Variants in MAP3K7 observed in about 807,000 individuals in gnomAD.
The protein encoded by MAP3K7 is TGF-beta activated kinase 1.
A neutral mutation model predicts 84.8 loss-of-function variants in MAP3K7; 21 were observed. The ratio of observed to expected loss-of-function variants is 0.25; its 90% CI spans 0.18 to 0.36. The LOEUF (loss-of-function observed/expected upper bound fraction) is 0.36. Among genes scored for constraint, MAP3K7 ranks in the 10% least tolerant of loss-of-function variants. The pLI is 1.00. For missense variants in MAP3K7, 503 were observed against 747.7 expected (o/e 0.67, Z 3.82); for synonymous variants, 241 against 247.7 (o/e 0.97, Z 0.25).
Position 90,577,326 on chromosome 6 carries a change from A to C in MAP3K7, c.121-5519T>G, listed in dbSNP as rs79487326. 2.2e-3 allele frequency among the ~76,000 whole-genome samples: 336 copies of C among 152,348 alleles called. 2 individuals carry two copies. Among genetic ancestry groups the C allele is most frequent in the Non-Finnish European group, 4.0e-3 (275 of 68,034 alleles). ...TAACTCAGAGTTTGGTTTTAGTCAT[A>C]TGAAGTTTAAGATGCCTACTGGATA... On this transcript the variant is annotated intron_variant, in intron 1 of 16. Transcript: ENST00000369329.
intron 5 of MAP3K7, among the ~76,000 whole-genome samples, chr6:90,556,931 G>A (rs1325484780): frequency 6.6e-6 from 1 of 151,878 alleles, no homozygotes; most frequent in Non-Finnish European, 1.5e-5. Flanking sequence ...TAAAACGTGG[G>A]GTTTAAAAAA....
rs370852052 is a variant in MAP3K7, at chr6:90,516,463, T to C, written c.*38A>G. The C allele has an allele frequency of 2.3e-5, 37 of 1,586,838 alleles. No homozygotes were observed. The African/African-American group carries it at 5.0e-4, about 21-fold the overall frequency. On this transcript the variant is annotated 3_prime_UTR_variant, in exon 17 of 17. Coordinates refer to ENST00000369329, the MANE Select transcript of MAP3K7 (RefSeq NM_145331.3). ...TTTTCCTTTCCTTAAAAAAAAAGTCTTTCTTTGCATATTTCAAAATGTAAC... is the reference window on the plus strand; with the variant it reads ...TTTTCCTTTCCTTAAAAAAAAAGTCCTTCTTTGCATATTTCAAAATGTAAC...
chr6:90,517,928 C>T (rs1052487156), intron 16 of MAP3K7, among the ~76,000 whole-genome samples: 6 of 151,770 alleles, frequency 4.0e-5, no homozygotes, highest in Non-Finnish European at 8.9e-5. Flanking sequence ...CTTAAGAAAA[C>T]TGAAGATACA....
rs1777487819 is a variant in MAP3K7 at position 90,587,012 on chromosome 6, G to A, written c.-129C>T. On this transcript the variant is annotated 5_prime_UTR_variant, in exon 1 of 17. Transcript: ENST00000369329. ...GCAGTCCTACTACCCGGCGATCCGT[G>A]GCGGGGGTAGAGGCAGCGGCCACAG... 5.1e-6 allele frequency: 6 copies of A among 1,166,092 alleles called. No homozygotes were observed. Among genetic ancestry groups the A allele is most frequent in the African/African-American group, 3.3e-5 (2 of 61,358 alleles). The allele number at this position is 1,166,092 out of a possible 1,614,324, so 72.2% of individuals were successfully genotyped here.
At chr6:90,518,883 C>T (rs1308499999) in intron 15 of MAP3K7, among the ~76,000 whole-genome samples, 4 of 151,550 alleles carry the variant, frequency 2.6e-5, no homozygotes, top group Non-Finnish European at 4.4e-5. Flanking sequence ...TGAGGGGGCA[C>T]TGAAGTATAT....
intron 1 of MAP3K7, among the ~76,000 whole-genome samples, chr6:90,580,338 A>C (rs1032529441): frequency 2.0e-5 from 3 of 152,230 alleles, no homozygotes; most frequent in African/African-American, 7.2e-5. Context: ...CTTAATATTC[A>C]AGTTGTAAAC....
chr6:90,557,045 G>C (rs1372852542), intron 5 of MAP3K7, among the ~76,000 whole-genome samples: 1 of 152,112 alleles, frequency 6.6e-6, no homozygotes, highest in East Asian at 1.9e-4. Flanking sequence ...ATCCAATATA[G>C]AAGGAAAAAA....
rs183052867 is a variant in MAP3K7 at position 90,535,015 on chromosome 6, G to T, written c.1356+1322C>A. On this transcript the variant is annotated intron_variant, in intron 13 of 16. Transcript: ENST00000369329. The stretch of plus-strand genomic sequence containing the variant: ...GTTCTGGGGTCTTACAAAAACAGAT[G>T]CACTGAAAAAAACTATCACTAAATA... 7.0e-4 allele frequency among the ~76,000 whole-genome samples: 106 copies of T among 152,052 alleles called. 2 individuals carry two copies. Among genetic ancestry groups the T allele is most frequent in the Admixed American group, 5.8e-3 (88 of 15,232 alleles).
intron 14 of MAP3K7, among the ~76,000 whole-genome samples, chr6:90,521,498 C>G (rs148716727): frequency 3.6e-4 from 55 of 152,096 alleles, no homozygotes; most frequent in African/African-American, 1.3e-3. Flanking sequence ...ATGAAAAGGC[C>G]AGAGACTATG....
Position 90,587,001 on chromosome 6 carries a change from C to A in MAP3K7, c.-118G>T. The A allele has an allele frequency of 8.0e-7, 1 of 1,243,566 alleles. No homozygotes were observed. Among genetic ancestry groups the A allele is most frequent in the Non-Finnish European group, 1.1e-6 (1 of 952,210 alleles). The allele number at this position is 1,243,566 out of a possible 1,614,324, so 77.0% of individuals were successfully genotyped here. On this transcript the variant is annotated 5_prime_UTR_variant, in exon 1 of 17. Transcript: ENST00000369329. The stretch of plus-strand genomic sequence containing the variant: ...CCTGGAGCCGCGCAGTCCTACTACC[C>A]GGCGATCCGTGGCGGGGGTAGAGGC...
In MAP3K7 at chr6:90,516,359, G is replaced by T; in HGVS notation, c.*142C>A. 1.3e-6 allele frequency: 1 copy of T among 785,830 alleles called. No homozygotes were observed. Among genetic ancestry groups the T allele is most frequent in the South Asian group, 1.6e-5 (1 of 61,464 alleles). 48.7% of individuals were successfully genotyped at this position (785,830 alleles called of 1,614,324 possible). On this transcript the variant is annotated 3_prime_UTR_variant, in exon 17 of 17. Coordinates refer to ENST00000369329, the MANE Select transcript of MAP3K7 (RefSeq NM_145331.3). ...CCATGAGAAAAGGAAAATAAACAAT[G>T]AAAAAAATGCAGCAAATATAGGCAG...
rs1777485031 is a variant in MAP3K7 at position 90,586,959 on chromosome 6, TCCGGACCGACCCTCAG to T, written c.-92_-77del. On this transcript the variant is annotated 5_prime_UTR_variant, in exon 1 of 17. Coordinates refer to ENST00000369329, the MANE Select transcript of MAP3K7 (RefSeq NM_145331.3). ...CGGGTGAGACCCGCGCCCACCCGCC[TCCGGACCGACCCTCAG>T]CCTGGAGCCGCGCAGTCCTACTACC... The T allele has an allele frequency of 6.9e-7, 1 of 1,459,464 alleles. No individual in the cohort carries two copies. The highest frequency in any genetic ancestry group is 1.5e-5 in the African/African-American group (1 of 68,080). 90.4% of individuals were successfully genotyped at this position (1,459,464 alleles called of 1,614,324 possible). A position where few individuals can be genotyped will look rare whatever the true frequency, so the allele number is the denominator to read the frequency against.
chr6:90,565,308 A>G (rs1004406796), intron 3 of MAP3K7, among the ~76,000 whole-genome samples: 1 of 152,192 alleles, frequency 6.6e-6, no homozygotes, highest in African/African-American at 2.4e-5. Context: ...AAACTGATAG[A>G]CCACTAGCAA....
At position 90,516,169 on chromosome 6, in the gene MAP3K7, T is replaced by C. The variant is rs1186341679; in HGVS notation, c.*332A>G. On this transcript the variant is annotated 3_prime_UTR_variant, in exon 17 of 17. Coordinates refer to ENST00000369329, the MANE Select transcript of MAP3K7 (RefSeq NM_145331.3). Reference sequence around the variant, plus strand: ...TGAAAAAATGGACGCTGTTTGCACATAGCAGCTAGTTTGATACCTCCTGTT... The same window carrying C: ...TGAAAAAATGGACGCTGTTTGCACACAGCAGCTAGTTTGATACCTCCTGTT... 6.9e-6 allele frequency: 2 copies of C among 287,878 alleles called. No individual in the cohort carries two copies. The highest frequency in any genetic ancestry group is 2.3e-5 in the African/African-American group (1 of 44,444). 17.8% of individuals were successfully genotyped at this position (287,878 alleles called of 1,614,324 possible). A position where few individuals can be genotyped will look rare whatever the true frequency, so the allele number is the denominator to read the frequency against.
chr6:90,552,101 G>A lies in MAP3K7; in HGVS notation c.815C>T (p.Ser272Phe). ...LMTRCWSKDPSQRPSMEEIVK... is the reference protein window; with the variant it reads ...LMTRCWSKDPFQRPSMEEIVK... ...AATTTCCTCCATTGAAGGGCGCTGG[G>A]AAGGATCTTTAGACCAACAACGAGT... The change falls in exon 8 of 17, where the codon TCC (serine) becomes TTC (phenylalanine). Residue 272 changes from serine (S) to phenylalanine (F), a missense_variant. By Grantham distance (155) the Ser-to-Phe change is radical. Coordinates refer to ENST00000369329, the MANE Select transcript of MAP3K7 (RefSeq NM_145331.3). 6.2e-7 allele frequency: 1 copy of A among 1,613,112 alleles called. No individual in the cohort carries two copies. Among genetic ancestry groups the A allele is most frequent in the Non-Finnish European group, 8.5e-7 (1 of 1,179,322 alleles).
At chr6:90,568,468 C>CA (rs775035023) in intron 3 of MAP3K7, 90 bp downstream of exon 3, 103 of 1,113,132 alleles carry the variant, frequency 9.3e-5, no homozygotes, top group Middle Eastern at 4.1e-4. Flanking sequence ...TTAAAAAAAA[C>CA]AAAAAAACCC....
intron 3 of MAP3K7, among the ~76,000 whole-genome samples, chr6:90,567,588 A>C (rs1485256886): frequency 6.6e-6 from 1 of 152,202 alleles, no homozygotes; most frequent in Admixed American, 6.5e-5. Context: ...GGATGTGGAG[A>C]AATAGGAACA....
chr6:90,516,379 A>T lies in MAP3K7; in HGVS notation c.*122T>A. 1.1e-6 allele frequency: 1 copy of T among 914,724 alleles called. No individual in the cohort carries two copies. The highest frequency in any genetic ancestry group is 1.7e-6 in the Non-Finnish European group (1 of 581,170). The allele number at this position is 914,724 out of a possible 1,614,324, so 56.7% of individuals were successfully genotyped here. On this transcript the variant is annotated 3_prime_UTR_variant, in exon 17 of 17. Transcript: ENST00000369329. The stretch of plus-strand genomic sequence containing the variant: ...ACAATGAAAAAAATGCAGCAAATAT[A>T]GGCAGTTGGCATTCAGAACACGCCA...
At chr6:90,546,262 T>G (rs1775997284) in intron 11 of MAP3K7, among the ~76,000 whole-genome samples, 1 of 151,832 alleles carries the variant, frequency 6.6e-6, no homozygotes, top group South Asian at 2.1e-4. Flanking sequence ...TGAAAAGAGC[T>G]CCACACACAA....
Sources: allele counts gnomAD v4.1 joint callset (sites outside exome capture counted in the v4.1 genomes callset), GRCh38; gene constraint gnomAD v4.1.1; transcripts MANE v1.5; gene names NCBI Gene and HGNC (gene_info 2026-07-23, HGNC 2026-07-21).